The following VAMP4 variants were observed in gnomAD, a reference collection of about 807,000 sequenced individuals.
VAMP4 encodes the protein vesicle associated membrane protein 4.
A neutral mutation model predicts 23.5 loss-of-function variants in VAMP4; 19 were observed. The ratio of observed to expected loss-of-function variants is 0.81; its 90% CI spans 0.56 to 1.19. The LOEUF is 1.19. Among genes scored for constraint, VAMP4 ranks in the 50% most tolerant of loss-of-function variants. The pLI is 0.00. For synonymous variants in VAMP4, 31 were observed against 51.0 expected, an observed-to-expected ratio of 0.61 and a Z score of 1.67; for missense variants, 145 against 168.6, an observed-to-expected ratio of 0.86 and a Z score of 0.78.
Position 171,702,974 on chromosome 1 carries a change from G to GTAAT in VAMP4, c.*1528_*1531dup, listed in dbSNP as rs1202652355. ...TCTAAACAGCATTTTTTGCCTCCTA[G>GTAAT]TAATAATCCTGTAGAATTTTAAAAA... On this transcript the variant is annotated 3_prime_UTR_variant, in exon 8 of 8. Coordinates refer to ENST00000236192, the MANE Select transcript of VAMP4 (RefSeq NM_003762.5). The GTAAT allele has an allele frequency of 2.0e-5, 3 of 151,466 alleles. No homozygotes were observed. Among genetic ancestry groups the GTAAT allele is most frequent in the Non-Finnish European group, 4.4e-5 (3 of 67,772 alleles). 9.4% of individuals were successfully genotyped at this position (151,466 alleles called of 1,614,324 possible).
intron 7 of VAMP4, 34 bp from the exon 8 acceptor site, chr1:171,704,568 A>G (rs772972836): frequency 6.1e-6 from 9 of 1,468,438 alleles, no homozygotes; most frequent in Non-Finnish European, 8.4e-6. Flanking sequence ...GCAATATATC[A>G]ACATCAGATA....
chr1:171,704,400 G>GAAAA lies in VAMP4; in HGVS notation c.*102_*105dup. 5 of 928,296 alleles carry GAAAA rather than the reference G, an allele frequency of 5.4e-6. No homozygotes were observed. The highest frequency in any genetic ancestry group is 7.4e-6 in the Non-Finnish European group (5 of 674,434). 57.5% of individuals were successfully genotyped at this position (928,296 alleles called of 1,614,324 possible). On this transcript the variant is annotated 3_prime_UTR_variant, in exon 8 of 8. Coordinates refer to ENST00000236192, the MANE Select transcript of VAMP4 (RefSeq NM_003762.5). Reference sequence around the variant, plus strand: ...AGTGATACTTGCCTCTTAGTTTCTTGAAAAAGAAGTTTTGAAAGTTATATA... The same window carrying GAAAA: ...AGTGATACTTGCCTCTTAGTTTCTTGAAAAAAAAAGAAGTTTTGAAAGTTATATA...
chr1:171,704,393 G>C lies in VAMP4; in HGVS notation c.*113C>G. On this transcript the variant is annotated 3_prime_UTR_variant, in exon 8 of 8. Coordinates refer to ENST00000236192, the MANE Select transcript of VAMP4 (RefSeq NM_003762.5). ...AATTTGAAGTGATACTTGCCTCTTA[G>C]TTTCTTGAAAAAGAAGTTTTGAAAG... is the stretch of plus-strand genomic sequence containing the variant. The C allele has an allele frequency of 1.2e-6, 1 of 814,092 alleles. No homozygotes were observed. The highest frequency in any genetic ancestry group is 1.7e-6 in the Non-Finnish European group (1 of 575,076). The allele number at this position is 814,092 out of a possible 1,614,324, so 50.4% of individuals were successfully genotyped here.
chr1:171,738,316 TTTTG>T (rs1467904682), intron 2 of VAMP4, 29 bp downstream of exon 2: 1 of 1,607,486 alleles, frequency 6.2e-7, no homozygotes, highest in Non-Finnish European at 8.5e-7. Flanking sequence ...ATTTTGAATC[TTTTG>T]TTTTTAAAGC....
chr1:171,741,284 TTC>T (rs918984060), intron 1 of VAMP4, among the ~76,000 whole-genome samples: 8 of 152,180 alleles, frequency 5.3e-5, no homozygotes, highest in African/African-American at 1.9e-4. Flanking sequence ...CCAGCCTCCA[TTC>T]TCTTTCTGAT....
chr1:171,703,470 CA>C lies in VAMP4; in HGVS notation c.*1035del, dbSNP rs1654540450. On this transcript the variant is annotated 3_prime_UTR_variant, in exon 8 of 8. Coordinates refer to ENST00000236192, the MANE Select transcript of VAMP4 (RefSeq NM_003762.5). Reference sequence around the variant, plus strand: ...ATATATATATATATATATATATATACACATAGGTTCCTGACTTTCTACTACT... The same window carrying C: ...ATATATATATATATATATATATATACCATAGGTTCCTGACTTTCTACTACT... 1 of 63,402 alleles carries C rather than the reference CA, an allele frequency of 1.6e-5. No homozygotes were observed. Among genetic ancestry groups the C allele is most frequent in the African/African-American group, 7.4e-5 (1 of 13,556 alleles). The allele number at this position is 63,402 out of a possible 1,614,324, so 3.9% of individuals were successfully genotyped here.
At chr1:171,725,632 T>C (rs1205138422) in intron 3 of VAMP4, among the ~76,000 whole-genome samples, 1 of 152,162 alleles carries the variant, frequency 6.6e-6, no homozygotes, top group Non-Finnish European at 1.5e-5. Context: ...CTATTTTCTG[T>C]TACTGGATTT....
chr1:171,727,208 C>A (rs1655400367), intron 3 of VAMP4, among the ~76,000 whole-genome samples: 1 of 132,786 alleles, frequency 7.5e-6, no homozygotes, highest in Non-Finnish European at 1.5e-5. Context: ...CCAGGACACT[C>A]TACCAACCTG....
intron 4 of VAMP4, among the ~76,000 whole-genome samples, chr1:171,716,357 C>T (rs1558108657): frequency 6.6e-6 from 1 of 152,186 alleles, no homozygotes; most frequent in African/African-American, 2.4e-5. Flanking sequence ...GAAACCTTAA[C>T]TTCTCTACTC....
chr1:171,709,939 CA>C (rs970054530), intron 5 of VAMP4, among the ~76,000 whole-genome samples, 195 bp from the exon 6 acceptor site: 6 of 151,798 alleles, frequency 4.0e-5, no homozygotes, highest in African/African-American at 1.5e-4. Flanking sequence ...AAACAAAAAG[CA>C]AAAAACAGCT....
chr1:171,714,253 C>G (rs1238856226), intron 4 of VAMP4, among the ~76,000 whole-genome samples: 1 of 152,192 alleles, frequency 6.6e-6, no homozygotes, highest in African/African-American at 2.4e-5. Context: ...TGATAACATA[C>G]TTCCCCATGA....
intron 4 of VAMP4, 40 bp from the exon 5 acceptor site, chr1:171,710,854 G>A (rs367935667): frequency 7.0e-7 from 1 of 1,432,716 alleles, no homozygotes; most frequent in African/African-American, 1.4e-5. Context: ...TCCTTCTTTT[G>A]AGAATGCTTA....
chr1:171,730,216 C>A (rs111871071), intron 2 of VAMP4, among the ~76,000 whole-genome samples: 62 of 152,278 alleles, frequency 4.1e-4, no homozygotes, highest in African/African-American at 1.3e-3. Context: ...TAATTTGTAG[C>A]AGTAGCAATG....
At chr1:171,736,132 C>T (rs1229553987) in intron 2 of VAMP4, among the ~76,000 whole-genome samples, 1 of 152,270 alleles carries the variant, frequency 6.6e-6, no homozygotes, top group Non-Finnish European at 1.5e-5. Flanking sequence ...AGTGATCTGC[C>T]CGCCTCGGCC....
intron 6 of VAMP4, among the ~76,000 whole-genome samples, chr1:171,707,610 A>G (rs1654700391): frequency 1.3e-5 from 2 of 152,202 alleles, no homozygotes; most frequent in African/African-American, 4.8e-5. Flanking sequence ...TTAATGGGGC[A>G]CAGTAAAACT....
rs1654545341 is a variant in VAMP4, at chr1:171,703,566, A to AAGAT, written c.*936_*939dup. On this transcript the variant is annotated 3_prime_UTR_variant, in exon 8 of 8. Coordinates refer to ENST00000236192, the MANE Select transcript of VAMP4 (RefSeq NM_003762.5). The stretch of plus-strand genomic sequence containing the variant: ...TCCTCAAGGATGAACAGGAAATGCA[A>AAGAT]AGATATAAAATTCAAAGTATTAATA... 3 of 150,820 alleles carry AAGAT rather than the reference A, an allele frequency of 2.0e-5. No homozygotes were observed. Among genetic ancestry groups the AAGAT allele is most frequent in the Non-Finnish European group, 3.0e-5 (2 of 67,486 alleles). The allele number at this position is 150,820 out of a possible 1,614,324, so 9.3% of individuals were successfully genotyped here.
chr1:171,710,267 C>T (rs770017847), intron 5 of VAMP4, among the ~76,000 whole-genome samples: 3 of 149,272 alleles, frequency 2.0e-5, no homozygotes, highest in Non-Finnish European at 4.4e-5. Flanking sequence ...GTGGCAAGTA[C>T]GTGCCAGGTA....
At chr1:171,716,772 A>G (rs1419169436) in intron 4 of VAMP4, among the ~76,000 whole-genome samples, 2 of 152,208 alleles carry the variant, frequency 1.3e-5, no homozygotes, top group African/African-American at 4.8e-5. Context: ...GGGATTTGTC[A>G]TTGGGTAAGT....
chr1:171,706,885 T>A (rs1360481062), intron 6 of VAMP4, among the ~76,000 whole-genome samples: 1 of 152,218 alleles, frequency 6.6e-6, no homozygotes. Flanking sequence ...TTTTTATTAA[T>A]CTGAAGCATT....
Sources: allele counts gnomAD v4.1 joint callset (sites outside exome capture counted in the v4.1 genomes callset), GRCh38; gene constraint gnomAD v4.1.1; transcripts MANE v1.5; gene names NCBI Gene and HGNC (gene_info 2026-07-23, HGNC 2026-07-21).